CSMD1: variants seen among roughly 807,000 people sequenced by gnomAD.
The protein encoded by CSMD1 is CUB and Sushi multiple domains 1.
In CSMD1, 213 loss-of-function variants were observed where a neutral mutation model predicts 417.5. That is an observed-to-expected ratio of 0.51 (90% confidence interval 0.46 to 0.57). CSMD1 has a LOEUF of 0.57. CSMD1 is among the 20% of genes least tolerant of loss of function. The pLI, the probability that CSMD1 is intolerant of heterozygous loss-of-function variation, is 0.00. For synonymous variants in CSMD1, 2,862 were observed against 1,736.8 expected (o/e 1.65, Z -16.11); for missense variants, 6,923 against 4,529.7 (o/e 1.53, Z -15.17).
chr8:3,985,534 C>A (rs1300222734), intron 5 of CSMD1, among the ~76,000 whole-genome samples: 2 of 152,120 alleles, frequency 1.3e-5, no homozygotes, highest in African/African-American at 2.4e-5. Context: ...ACGAACACAT[C>A]ATTTTACTCC....
rs374990742 is a variant in CSMD1 at position 3,874,318 on chromosome 8, C to T, written c.819-120276G>A. Among the ~76,000 whole-genome samples, 20 of 152,218 alleles carry T rather than the reference C, an allele frequency of 1.3e-4. No individual in the cohort carries two copies. The South Asian group carries it at 2.3e-3, about 17-fold the overall frequency. ...ACCTGTACTTTGGAAATACAGGCTG[C>T]GTAACTCTTATCTAAAGTGAGGTTT... On this transcript the variant is annotated intron_variant, in intron 5 of 69. Coordinates refer to ENST00000635120, the MANE Select transcript of CSMD1 (RefSeq NM_033225.6).
intron 12 of CSMD1, among the ~76,000 whole-genome samples, chr8:3,439,532 G>A (rs907497276): frequency 6.7e-6 from 1 of 148,376 alleles, no homozygotes; most frequent in African/African-American, 2.5e-5. Flanking sequence ...TAATTGTAGA[G>A]TCTTAAGAGT....
intron 7 of CSMD1, among the ~76,000 whole-genome samples, chr8:3,662,528 G>A (rs1798472095): frequency 6.6e-6 from 1 of 152,172 alleles, no homozygotes; most frequent in Non-Finnish European, 1.5e-5. Flanking sequence ...ATAGTAGAAT[G>A]ACTTAAAATC....
Position 4,031,761 on chromosome 8 carries a change from G to A in CSMD1, c.610+144C>T, listed in dbSNP as rs1013142226. The A allele has an allele frequency of 8.7e-5, 48 of 549,828 alleles. No homozygotes were observed. In the East Asian group the frequency reaches 1.4e-3, roughly 16 times the overall value. The allele number at this position is 549,828 out of a possible 1,614,324, so 34.1% of individuals were successfully genotyped here. The stretch of plus-strand genomic sequence containing the variant: ...TTACATAGTAATAACATGTAATATT[G>A]CTTTCAGGAGCAGAATGAGCTGACA... On this transcript the variant is annotated intron_variant, in intron 4 of 69. Coordinates refer to ENST00000635120, the MANE Select transcript of CSMD1 (RefSeq NM_033225.6).
At chr8:3,348,206 T>G (rs1048904556) in intron 21 of CSMD1, 45 bp from the exon 22 acceptor site, 9 of 1,508,418 alleles carry the variant, frequency 6.0e-6, no homozygotes, top group Non-Finnish European at 8.2e-6. Context: ...AAAAGTGGAA[T>G]TACTGTTTTT....
chr8:4,153,796 T>G (rs1042084186), intron 3 of CSMD1, among the ~76,000 whole-genome samples: 1 of 152,224 alleles, frequency 6.6e-6, no homozygotes, highest in Non-Finnish European at 1.5e-5. Flanking sequence ...ACAGTTTTTA[T>G]GTATTTGTGT....
chr8:3,476,425 T>C (rs1261959621), intron 11 of CSMD1, among the ~76,000 whole-genome samples: 1 of 152,186 alleles, frequency 6.6e-6, no homozygotes, highest in Non-Finnish European at 1.5e-5. Flanking sequence ...ATTCACATGG[T>C]ATAAAATTTT....
At chr8:4,858,354 C>T (rs1322655468) in intron 1 of CSMD1, among the ~76,000 whole-genome samples, 3 of 151,604 alleles carry the variant, frequency 2.0e-5, no homozygotes, top group South Asian at 2.1e-4. Flanking sequence ...AAAACGGGCA[C>T]AAGACAGGGA....
intron 5 of CSMD1, among the ~76,000 whole-genome samples, chr8:3,961,201 T>A (rs547389031): frequency 5.3e-5 from 8 of 152,196 alleles, no homozygotes; most frequent in Non-Finnish European, 1.2e-4. Context: ...TGAAAGTCAT[T>A]GTCTCAATTA....
chr8:4,915,276 G>A (rs949928521), intron 1 of CSMD1, among the ~76,000 whole-genome samples: 2 of 151,866 alleles, frequency 1.3e-5, no homozygotes, highest in Admixed American at 6.6e-5. Flanking sequence ...CCAATTCATA[G>A]GCATAACACC....
chr8:3,234,901 C>A (rs958236630), intron 26 of CSMD1, among the ~76,000 whole-genome samples: 8 of 152,196 alleles, frequency 5.3e-5, no homozygotes, highest in Non-Finnish European at 1.0e-4. Context: ...AATCTATGAT[C>A]AACTGTTGTT....
intron 3 of CSMD1, among the ~76,000 whole-genome samples, chr8:4,052,282 G>A (rs926382433): frequency 6.6e-6 from 1 of 152,134 alleles, no homozygotes; most frequent in Non-Finnish European, 1.5e-5. Flanking sequence ...CTGCCATTTG[G>A]CAAAAGATTA....
intron 1 of CSMD1, among the ~76,000 whole-genome samples, chr8:4,692,136 T>A (rs982806140): frequency 6.6e-6 from 1 of 152,092 alleles, no homozygotes; most frequent in African/African-American, 2.4e-5. Flanking sequence ...GGGCTCCACC[T>A]GCTGAAAACC....
At chr8:4,343,434 G>A (rs1800594954) in intron 3 of CSMD1, among the ~76,000 whole-genome samples, 1 of 152,024 alleles carries the variant, frequency 6.6e-6, no homozygotes, top group African/African-American at 2.4e-5. Flanking sequence ...TATTAAAAAT[G>A]GTCACTATGT....
chr8:4,477,818 G>A (rs912935378), intron 2 of CSMD1, among the ~76,000 whole-genome samples: 3 of 152,140 alleles, frequency 2.0e-5, no homozygotes, highest in Non-Finnish European at 4.4e-5. Context: ...GTTAGTATGT[G>A]CTGTATTATA....
chr8:4,723,141 G>A (rs1809175036), intron 1 of CSMD1, among the ~76,000 whole-genome samples: 1 of 152,112 alleles, frequency 6.6e-6, no homozygotes, highest in Non-Finnish European at 1.5e-5. Context: ...AAATCTATTT[G>A]AGTGCATTAG....
intron 1 of CSMD1, among the ~76,000 whole-genome samples, chr8:4,968,693 A>G (rs1810039350): frequency 6.6e-6 from 1 of 152,168 alleles, no homozygotes; most frequent in South Asian, 2.1e-4. Flanking sequence ...GCTTTCAAAT[A>G]CTAACCTCTA....
At chr8:4,531,573 G>A (rs1372456051) in intron 2 of CSMD1, among the ~76,000 whole-genome samples, 1 of 152,146 alleles carries the variant, frequency 6.6e-6, no homozygotes, top group Non-Finnish European at 1.5e-5. Flanking sequence ...TTTGCCAGAT[G>A]TAAAGTCCTG....
At chr8:3,579,005 T>G (rs916070451) in intron 9 of CSMD1, among the ~76,000 whole-genome samples, 3 of 152,204 alleles carry the variant, frequency 2.0e-5, no homozygotes, top group Non-Finnish European at 4.4e-5. Context: ...CTCTTGGAAA[T>G]ATAACATCTA....
Sources: gnomAD v4.1 joint callset for allele counts (sites outside exome capture counted in the v4.1 genomes callset) on GRCh38, gnomAD v4.1.1 for gene constraint, MANE v1.5 for transcripts, NCBI Gene and HGNC (gene_info 2026-07-23, HGNC 2026-07-21) for gene names.